The following RIPOR2 variants were observed in gnomAD, a reference collection of about 807,000 sequenced individuals.
RIPOR2 encodes RHO family interacting cell polarization regulator 2.
In RIPOR2, 39 loss-of-function variants were observed where a neutral mutation model predicts 114.5. The observed-to-expected ratio is 0.34, with a 90% CI of 0.26 to 0.44. The LOEUF (loss-of-function observed/expected upper bound fraction) is 0.44. Among genes scored for constraint, RIPOR2 ranks in the 20% least tolerant of loss-of-function variants. The pLI, the probability that RIPOR2 is intolerant of heterozygous loss-of-function variation, is 1.00. For missense variants in RIPOR2, 1,007 were observed against 1,255.1 expected (o/e 0.80, Z 2.99); for synonymous variants, 445 against 484.4 (o/e 0.92, Z 1.07).
intron 1 of RIPOR2, among the ~76,000 whole-genome samples, chr6:24,886,137 A>C (rs1766813647): frequency 6.6e-6 from 1 of 152,060 alleles, no homozygotes; most frequent in Admixed American, 6.6e-5. Context: ...CCAAATACAC[A>C]CACACACACA....
intron 21 of RIPOR2, among the ~76,000 whole-genome samples, chr6:24,806,731 T>A (rs557513530): frequency 6.6e-6 from 1 of 152,362 alleles, no homozygotes; most frequent in East Asian, 1.9e-4. Context: ...AGAAGTCTTA[T>A]GGCCATTTGA....
At position 24,875,729 on chromosome 6, in the gene RIPOR2, G is replaced by C. The variant is rs760256081; in HGVS notation, c.150C>G (p.Ser50=). The change falls in exon 2 of 22, where the codon TCC becomes TCG. Residue 50 remains serine (S), a synonymous_variant. Transcript: ENST00000643898. ...CCTGGAGGCCGCTGAAACCCGCAAA[G>C]GACTGGCTTCTAATGATCCCATTGG... ...GGPNGIIRSQ[S]FAGFSGLQER... is the part of the protein sequence containing the mutation. 9.9e-6 allele frequency: 16 copies of C among 1,613,736 alleles called. No homozygotes were observed. The African/African-American group carries it at 1.1e-4, about 11-fold the overall frequency.
intron 1 of RIPOR2, among the ~76,000 whole-genome samples, chr6:25,011,104 A>T (rs1190299669): frequency 3.9e-5 from 6 of 152,180 alleles, no homozygotes; most frequent in African/African-American, 2.4e-5. Flanking sequence ...ATGAAAAAAA[A>T]TTTGTTTTTA....
chr6:24,875,830 G>A lies in RIPOR2; in HGVS notation c.62-13C>T. The A allele has an allele frequency of 6.3e-7, 1 of 1,592,896 alleles. No homozygotes were observed. The highest frequency in any genetic ancestry group is 8.6e-7 in the Non-Finnish European group (1 of 1,169,288). On this transcript the variant is annotated splice_polypyrimidine_tract_variant and intron_variant, in intron 1 of 21. Coordinates refer to ENST00000643898, the MANE Select transcript of RIPOR2 (RefSeq NM_001286445.3). Reference sequence around the variant, plus strand: ...CTGGTCGGTAGTCCTAGAAGACAGTGGAAAGATCATGACAATTTATAGGCA... The same window carrying A: ...CTGGTCGGTAGTCCTAGAAGACAGTAGAAAGATCATGACAATTTATAGGCA...
chr6:24,904,104 G>A (rs1028108617), intron 1 of RIPOR2, among the ~76,000 whole-genome samples: 7 of 152,164 alleles, frequency 4.6e-5, no homozygotes, highest in Admixed American at 1.3e-4. Context: ...AGGTAGAAGC[G>A]GGGGCAAGGC....
chr6:24,934,501 T>C (rs1333737679), intron 1 of RIPOR2, among the ~76,000 whole-genome samples: 1 of 152,216 alleles, frequency 6.6e-6, no homozygotes, highest in African/African-American at 2.4e-5. Context: ...ATATTAACCA[T>C]GATTACATTC....
At chr6:24,909,974 C>G (rs572210447) in intron 1 of RIPOR2, among the ~76,000 whole-genome samples, 1 of 152,236 alleles carries the variant, frequency 6.6e-6, no homozygotes, top group South Asian at 2.1e-4. Context: ...ACCTTAGCAC[C>G]TGATGACTTC....
chr6:24,987,258 T>A (rs1377515759), intron 1 of RIPOR2, among the ~76,000 whole-genome samples: 1 of 152,212 alleles, frequency 6.6e-6, no homozygotes, highest in Non-Finnish European at 1.5e-5. Context: ...CACAGTCAAG[T>A]CCTGGCCCTG....
intron 13 of RIPOR2, chr6:24,840,882 A>G: frequency 1.9e-6 from 2 of 1,070,016 alleles, no homozygotes; most frequent in Non-Finnish European, 2.7e-6. Flanking sequence ...CTCACTAGTG[A>G]TGTTTTCAGC....
intron 5 of RIPOR2, 30 bp downstream of exon 5, chr6:24,870,836 T>C (rs1765093834): frequency 1.9e-6 from 3 of 1,586,874 alleles, no homozygotes; most frequent in South Asian, 1.1e-5. Flanking sequence ...TTTTTTCTTA[T>C]TAGCACCCCA....
chr6:24,947,313 G>A (rs587009), intron 1 of RIPOR2, among the ~76,000 whole-genome samples: 45,181 of 152,012 alleles, frequency 0.3, 7,600 homozygotes, highest in South Asian at 0.38. Flanking sequence ...GCTCTGTCAG[G>A]CATCCAGGAA....
chr6:25,005,738 T>TATATACACACAC (rs34572978), intron 1 of RIPOR2, among the ~76,000 whole-genome samples: 1 of 70,700 alleles, frequency 1.4e-5, no homozygotes, highest in Non-Finnish European at 3.3e-5. Flanking sequence ...TATATATATA[T>TATATACACACAC]ATACATTTAC....
At position 25,030,673 on chromosome 6, in the gene RIPOR2, G is replaced by A. The variant is rs117518521; in HGVS notation, c.76+11178C>T. On this transcript the variant is annotated intron_variant, in intron 1 of 13. Coordinates refer to the RIPOR2 transcript ENST00000510784. ...TTCTGGCTTTTTTTTAAAAGGCATA[G>A]GGTCTTGCTGTTTTTCGTTGTTGTT... 1.0e-3 allele frequency among the ~76,000 whole-genome samples: 154 copies of A among 152,154 alleles called. 3 individuals carry two copies. In the East Asian group the frequency reaches 0.017, roughly 17 times the overall value.
intron 1 of RIPOR2, among the ~76,000 whole-genome samples, chr6:25,022,532 ATTTTTTTTTTTTTTTTTTTTT>A (rs10564019): frequency 4.9e-5 from 2 of 40,952 alleles, no homozygotes; most frequent in Non-Finnish European, 9.7e-5. Flanking sequence ...GGTACCTTCC[ATTTTTTTTTTTTTTTTTTTTT>A]TTTTTTTTTT....
At chr6:24,915,187 T>C (rs899448116) in intron 1 of RIPOR2, among the ~76,000 whole-genome samples, 1 of 152,196 alleles carries the variant, frequency 6.6e-6, no homozygotes, top group African/African-American at 2.4e-5. Flanking sequence ...CCTTTCTGTA[T>C]AGGCACTTGG....
intron 1 of RIPOR2, among the ~76,000 whole-genome samples, chr6:25,005,287 C>T (rs1323233205): frequency 2.0e-5 from 3 of 152,158 alleles, no homozygotes; most frequent in African/African-American, 7.2e-5. Context: ...TAGATTTAGA[C>T]TAGGTTCCAC....
chr6:24,938,665 A>G (rs1771950934), upstream of RIPOR2, among the ~76,000 whole-genome samples: 1 of 152,298 alleles, frequency 6.6e-6, no homozygotes, highest in African/African-American at 2.4e-5. Context: ...ACCACACTCC[A>G]TATAAAACCT....
At chr6:24,821,134 A>G (rs1452361617) in intron 19 of RIPOR2, among the ~76,000 whole-genome samples, 2 of 150,460 alleles carry the variant, frequency 1.3e-5, no homozygotes, top group African/African-American at 2.4e-5. Flanking sequence ...CAGCCTCCCA[A>G]AGTTCTGGGA....
chr6:25,022,531 CATTTTTTTTTTTTTT>C (rs1421063165), intron 1 of RIPOR2, among the ~76,000 whole-genome samples: 4 of 64,510 alleles, frequency 6.2e-5, no homozygotes, highest in Non-Finnish European at 1.4e-4. Context: ...TGGTACCTTC[CATTTTTTTTTTTTTT>C]TTTTTTTTTT....
Sources: gnomAD v4.1 joint callset for allele counts (sites outside exome capture counted in the v4.1 genomes callset) on GRCh38, gnomAD v4.1.1 for gene constraint, MANE v1.5 for transcripts, NCBI Gene and HGNC (gene_info 2026-07-23, HGNC 2026-07-21) for gene names.